The following ZNF680 variants were observed in gnomAD, a reference collection of about 807,000 sequenced individuals.
The protein encoded by ZNF680 is hypothetical protein FLJ90430.
A neutral mutation model predicts 12.1 loss-of-function variants in ZNF680; 6 were observed. The ratio of observed to expected loss-of-function variants is 0.49; its 90% CI spans 0.27 to 0.98. The LOEUF (loss-of-function observed/expected upper bound fraction) is 0.98. Among genes scored for constraint, ZNF680 ranks in the 50% least tolerant of loss-of-function variants. The probability of loss-of-function intolerance (pLI) is 0.12; values close to 1 mark genes in which losing one functional copy is unlikely to be tolerated. For missense variants in ZNF680, 561 were observed against 616.3 expected, an observed-to-expected ratio of 0.91 and a Z score of 0.95; for synonymous variants, 170 against 199.3, an observed-to-expected ratio of 0.85 and a Z score of 1.24.
rs752271730 is a variant in ZNF680, at chr7:64,530,876, AT to A, written c.254-8377del. The stretch of plus-strand genomic sequence containing the variant: ...CCATCTCAAAAAAAAAAATTTAAAA[AT>A]AATAATAATAATAATAGTAATAATA... On this transcript the variant is annotated intron_variant, in intron 3 of 3. Coordinates refer to ENST00000309683, the MANE Select transcript of ZNF680 (RefSeq NM_178558.5). 4.8e-3 allele frequency among the ~76,000 whole-genome samples: 604 copies of A among 126,682 alleles called. 3 individuals carry two copies. The highest frequency in any genetic ancestry group is 0.014 in the African/African-American group (540 of 38,214). The allele number at this position is 126,682 out of a possible 152,430, so 83.1% of individuals were successfully genotyped here. A position where few individuals can be genotyped will look rare whatever the true frequency, so the allele number is the denominator to read the frequency against.
At chr7:64,507,261 G>A in the ZNF680 span, among the ~76,000 whole-genome samples, 10,124 of 152,140 alleles carry the variant, frequency 0.067, 482 homozygotes, top group Admixed American at 0.1. Flanking sequence ...AGTAGAAAGT[G>A]GAGTAATGGT....
chr7:64,536,429 G>GT (rs1312705361), intron 3 of ZNF680, among the ~76,000 whole-genome samples: 1 of 152,202 alleles, frequency 6.6e-6, no homozygotes, highest in Non-Finnish European at 1.5e-5. Context: ...ATATCACATG[G>GT]TAAGAGACAG....
chr7:64,523,001 A>G (rs1385891909), intron 3 of ZNF680, among the ~76,000 whole-genome samples: 1 of 152,076 alleles, frequency 6.6e-6, no homozygotes. Context: ...CAAATTCCCT[A>G]CATATAAAAG....
chr7:64,520,303 T>C lies in ZNF680; in HGVS notation c.*858A>G, dbSNP rs1791460379. 6.6e-6 allele frequency: 1 copy of C among 151,818 alleles called. No individual in the cohort carries two copies. The allele number at this position is 151,818 out of a possible 1,614,324, so 9.4% of individuals were successfully genotyped here. On this transcript the variant is annotated 3_prime_UTR_variant, in exon 4 of 4. Coordinates refer to ENST00000309683, the MANE Select transcript of ZNF680 (RefSeq NM_178558.5). ...ATTTGAGAGTTGAATTTCATCATTA[T>C]TTACTTTTCAAATAAGCCATAATTT...
chr7:64,556,732 T>C (rs12113448), intron 1 of ZNF680, among the ~76,000 whole-genome samples: 30,266 of 152,114 alleles, frequency 0.2, 3,413 homozygotes, highest in South Asian at 0.28. Context: ...GAAAATATTA[T>C]TGACATAGGA....
At chr7:64,506,181 A>G in the ZNF680 span, among the ~76,000 whole-genome samples, 1 of 149,112 alleles carries the variant, frequency 6.7e-6, no homozygotes, top group African/African-American at 2.5e-5. Context: ...GACTTTTAAA[A>G]TAGTCTTTTA....
At chr7:64,513,959 G>A in the ZNF680 span, among the ~76,000 whole-genome samples, 1 of 152,008 alleles carries the variant, frequency 6.6e-6, no homozygotes, top group Non-Finnish European at 1.5e-5. Flanking sequence ...AAATTTTTAT[G>A]TAATAATAAG....
intron 1 of ZNF680, among the ~76,000 whole-genome samples, chr7:64,546,319 C>T (rs574609123): frequency 1.3e-5 from 2 of 152,110 alleles, no homozygotes; most frequent in Non-Finnish European, 2.9e-5. Context: ...GGTGTCAGCA[C>T]CCCCTGTTTA....
intron 1 of ZNF680, among the ~76,000 whole-genome samples, chr7:64,561,880 A>G (rs1787757290): frequency 6.8e-6 from 1 of 146,246 alleles, no homozygotes; most frequent in Non-Finnish European, 1.5e-5. Context: ...GCTTGCAGTG[A>G]GCCGAGATCG....
chr7:64,512,091 A>G, the ZNF680 span, among the ~76,000 whole-genome samples: 1 of 151,536 alleles, frequency 6.6e-6, no homozygotes, highest in Non-Finnish European at 1.5e-5. Context: ...AAAAATAAAT[A>G]TCCAAGCCAT....
Position 64,550,924 on chromosome 7 carries a change from C to T in ZNF680, c.31-6492G>A, listed in dbSNP as rs56287481. ...GTTCTTGGGAAATATAATTAAAAGA[C>T]AAATTTTCTCCAGCCCTAGAGCAAC... is the stretch of plus-strand genomic sequence containing the variant. On this transcript the variant is annotated intron_variant, in intron 1 of 3. Coordinates refer to ENST00000309683, the MANE Select transcript of ZNF680 (RefSeq NM_178558.5). 9.6e-3 allele frequency among the ~76,000 whole-genome samples: 1,462 copies of T among 152,194 alleles called. 25 individuals are homozygous for T. Among genetic ancestry groups the T allele is most frequent in the African/African-American group, 0.034 (1,403 of 41,512 alleles).
the ZNF680 span, among the ~76,000 whole-genome samples, chr7:64,512,457 CAAA>C: frequency 3.4e-4 from 30 of 87,206 alleles, no homozygotes; most frequent in Admixed American, 5.2e-4. Flanking sequence ...CCGTCTCCAG[CAAA>C]AAAAAAAAAA....
the ZNF680 span, among the ~76,000 whole-genome samples, chr7:64,508,526 G>T: frequency 6.6e-6 from 1 of 152,116 alleles, no homozygotes; most frequent in Non-Finnish European, 1.5e-5. Flanking sequence ...CACTCGCTAC[G>T]TGACTAAAAA....
At chr7:64,553,317 GA>G (rs1350769714) in intron 1 of ZNF680, among the ~76,000 whole-genome samples, 1 of 152,132 alleles carries the variant, frequency 6.6e-6, no homozygotes, top group African/African-American at 2.4e-5. Flanking sequence ...ATAAAGCAGA[GA>G]AAAAAAGTAC....
intron 3 of ZNF680, among the ~76,000 whole-genome samples, chr7:64,541,060 C>T: frequency 6.6e-6 from 1 of 152,078 alleles, no homozygotes; most frequent in East Asian, 1.9e-4. Flanking sequence ...AATAGTCTTG[C>T]ATTGCTAAAT....
intron 3 of ZNF680, among the ~76,000 whole-genome samples, chr7:64,531,195 G>C (rs568683817): frequency 6.6e-6 from 1 of 152,218 alleles, no homozygotes; most frequent in African/African-American, 2.4e-5. Context: ...TCAACAGCGG[G>C]TGAAACTTTC....
intron 1 of ZNF680, among the ~76,000 whole-genome samples, chr7:64,554,102 G>T: frequency 6.6e-6 from 1 of 150,992 alleles, no homozygotes; most frequent in Non-Finnish European, 1.5e-5. Context: ...GAAGTGAGGA[G>T]CGCCTCTTCC....
At chr7:64,528,101 G>C (rs145892755) in intron 3 of ZNF680, among the ~76,000 whole-genome samples, 268 of 149,128 alleles carry the variant, frequency 1.8e-3, no homozygotes, top group Non-Finnish European at 3.5e-3. Flanking sequence ...TGAGTCAATT[G>C]AGAGCCAAGT....
At chr7:64,525,918 T>A (rs1791815179) in intron 3 of ZNF680, 1 of 984,792 alleles carries the variant, frequency 1.0e-6, no homozygotes, top group South Asian at 4.7e-5. Flanking sequence ...TTTATACAGG[T>A]AAACACAGAG....
Sources: allele counts gnomAD v4.1 joint callset (sites outside exome capture counted in the v4.1 genomes callset), GRCh38; gene constraint gnomAD v4.1.1; transcripts MANE v1.5; gene names NCBI Gene and HGNC (gene_info 2026-07-23, HGNC 2026-07-21).